The following FAM98A variants were observed in gnomAD, a reference collection of about 807,000 sequenced individuals.
The protein encoded by FAM98A is protein FAM98A.
A neutral mutation model predicts 62.9 loss-of-function variants in FAM98A; 25 were observed. The observed-to-expected ratio is 0.40, with a 90% CI of 0.29 to 0.56. The LOEUF (loss-of-function observed/expected upper bound fraction) is 0.56. Among genes scored for constraint, FAM98A ranks in the 20% least tolerant of loss-of-function variants. The pLI, the probability that FAM98A is intolerant of heterozygous loss-of-function variation, is 0.51. For missense variants in FAM98A, 653 were observed against 640.7 expected (o/e 1.02, Z -0.21); for synonymous variants, 252 against 228.6 (o/e 1.10, Z -0.92).
chr2:33,585,214 T>A lies in FAM98A; in HGVS notation c.1119A>T (p.Gly373=), dbSNP rs1572414862. ...CTCCTTGATGCTTATTTCCTCTTCC[T>A]CCCCCTCGGCCACCATGGTCATAGC... ...RGGYDHGGRG[G]GRGNKHQGGW... The change falls in exon 8 of 8, where the codon GGA becomes GGT. Residue 373 remains glycine (G), a synonymous_variant. Transcript: ENST00000238823. The A allele has an allele frequency of 6.2e-7, 1 of 1,613,438 alleles. No individual in the cohort carries two copies. The highest frequency in any genetic ancestry group is 1.1e-5 in the South Asian group (1 of 91,050).
intron 3 of FAM98A, chr2:33,588,941 A>T (rs561891451): frequency 6.5e-6 from 1 of 152,870 alleles, no homozygotes; most frequent in African/African-American, 2.4e-5. Context: ...AGCATCAATG[A>T]CACAACTACC....
chr2:33,592,717 G>A (rs1044402549), intron 2 of FAM98A, among the ~76,000 whole-genome samples: 5 of 152,080 alleles, frequency 3.3e-5, no homozygotes, highest in African/African-American at 1.2e-4. Flanking sequence ...CTCTTATTTG[G>A]GAGTCTTTAA....
chr2:33,585,404 T>A lies in FAM98A; in HGVS notation c.929A>T (p.Asn310Ile). ...GRVPDRGGRPNEIEPPPPEMP... is the reference protein window; with the variant it reads ...GRVPDRGGRPIEIEPPPPEMP... ...CTCTGGGGGTGGAGGTTCGATTTCA[T>A]TGGGTCTACCACCTCTGTCAGGCAC... Residue 310 changes from asparagine to isoleucine, a missense_variant, in exon 8 of 8, where the codon AAT (asparagine) becomes ATT (isoleucine). By Grantham distance (149) the Asn-to-Ile change is moderately radical (BLOSUM62 -3). Coordinates refer to ENST00000238823, the MANE Select transcript of FAM98A (RefSeq NM_015475.5). 6.2e-7 allele frequency: 1 copy of A among 1,614,162 alleles called. No homozygotes were observed. Among genetic ancestry groups the A allele is most frequent in the Non-Finnish European group, 8.5e-7 (1 of 1,180,028 alleles).
chr2:33,584,905 C>T lies in FAM98A; in HGVS notation c.1428G>A (p.Gln476=). Residue 476 remains glutamine (Q), a synonymous_variant, in exon 8 of 8, where the codon CAG becomes CAA. Transcript: ENST00000238823. ...GRGGRGGRAG[Q]GGGWGGRGSQ... ...TCCCTCTTCCTCCCCAGCCTCCTCC[C>T]TGGCCTGCACGACCACCTCGGCCTC... 6.2e-7 allele frequency: 1 copy of T among 1,612,588 alleles called. No individual in the cohort carries two copies. Among genetic ancestry groups the T allele is most frequent in the African/African-American group, 1.3e-5 (1 of 74,454 alleles).
rs34080556 is a variant in FAM98A, at chr2:33,585,289, G to A, written c.1044C>T (p.Tyr348=). Residue 348 remains tyrosine (Y), a synonymous_variant, in exon 8 of 8, where the codon TAC becomes TAT. Coordinates refer to ENST00000238823, the MANE Select transcript of FAM98A (RefSeq NM_015475.5). Reference sequence around the variant, plus strand: ...CTTGTTCATGACCTCCTCGTCCTCCGTATGAGGAATGTTCATAGCCACCTC... The same window carrying A: ...CTTGTTCATGACCTCCTCGTCCTCCATATGAGGAATGTTCATAGCCACCTC... ...GGRGGYEHSS[Y]GGRGGHEQGG... 1.9e-5 allele frequency: 30 copies of A among 1,613,628 alleles called. No homozygotes were observed. Among genetic ancestry groups the A allele is most frequent in the African/African-American group, 9.4e-5 (7 of 74,754 alleles).
chr2:33,592,141 T>A lies in FAM98A; in HGVS notation c.276A>T (p.Ser92=). 1.9e-6 allele frequency: 3 copies of A among 1,613,680 alleles called. No individual in the cohort carries two copies. The highest frequency in any genetic ancestry group is 2.5e-6 in the Non-Finnish European group (3 of 1,179,638). The change falls in exon 3 of 8, where the codon TCA becomes TCT. Residue 92 remains serine, a synonymous_variant. Transcript: ENST00000238823. ...GCTTGGTCACATCCCCAGATGTCAG[T>A]GAAAGATACGGGCAGTTCATCTCCC... ...LLGEMNCPYL[S]LTSGDVTKRL...
chr2:33,589,189 T>G (rs1305419045), intron 3 of FAM98A: 2 of 152,302 alleles, frequency 1.3e-5, no homozygotes, highest in Non-Finnish European at 1.5e-5. Context: ...AAAACAACCA[T>G]AAAACCTTCA....
chr2:33,589,758 A>G (rs1677630983), intron 3 of FAM98A: 1 of 152,200 alleles, frequency 6.6e-6, no homozygotes, highest in Admixed American at 6.5e-5. Flanking sequence ...GTTTTTGTAC[A>G]TAAGGTTTCA....
intron 3 of FAM98A, 35 bp downstream of exon 3, chr2:33,592,045 A>C: frequency 1.3e-6 from 2 of 1,571,588 alleles, no homozygotes; most frequent in Non-Finnish European, 1.7e-6. Flanking sequence ...CATAAACAGA[A>C]AGTAATAGCT....
chr2:33,596,044 C>G (rs1228340927), intron 1 of FAM98A, among the ~76,000 whole-genome samples: 4 of 152,092 alleles, frequency 2.6e-5, no homozygotes, highest in African/African-American at 9.7e-5. Context: ...GTTATCTTTT[C>G]TAAAAATTTT....
In FAM98A at chr2:33,588,117, G is replaced by A. The variant is rs149588496; in HGVS notation, c.522+218C>T. 7.2e-4 allele frequency: 394 copies of A among 550,756 alleles called. 1 individual carries two copies. The highest frequency in any genetic ancestry group is 7.0e-3 in the African/African-American group (370 of 52,910). 34.1% of individuals were successfully genotyped at this position (550,756 alleles called of 1,614,324 possible). A position where few individuals can be genotyped will look rare whatever the true frequency, so the allele number is the denominator to read the frequency against. ...CAAACCAGTGTAAAGTTTCCTTTTT[G>A]AAAAAGAAACATGCTAACATGTTTT... is the stretch of plus-strand genomic sequence containing the variant. On this transcript the variant is annotated intron_variant, in intron 4 of 7. Transcript: ENST00000238823.
intron 5 of FAM98A, chr2:33,586,911 A>G (rs1402356664): frequency 3.7e-6 from 2 of 537,756 alleles, no homozygotes; most frequent in Non-Finnish European, 6.6e-6. Context: ...TATCTTTCCC[A>G]TAATTTACTG....
intron 2 of FAM98A, among the ~76,000 whole-genome samples, chr2:33,593,487 A>G (rs976882746): frequency 2.0e-5 from 3 of 152,230 alleles, no homozygotes; most frequent in African/African-American, 7.2e-5. Context: ...ATTTGAAGAC[A>G]GCAAACATGA....
rs1395278111 is a variant in FAM98A, at chr2:33,584,549, T to A, written c.*227A>T. 8.7e-6 allele frequency: 4 copies of A among 462,108 alleles called. No homozygotes were observed. The highest frequency in any genetic ancestry group is 3.7e-5 in the Admixed American group (1 of 26,682). 28.6% of individuals were successfully genotyped at this position (462,108 alleles called of 1,614,324 possible). ...GCAATTTTAACCACCTTTTAAAAAA[T>A]TTTTCATAGAAAGGAGAGATGTTAT... On this transcript the variant is annotated 3_prime_UTR_variant, in exon 8 of 8. Transcript: ENST00000238823.
chr2:33,592,700 G>C (rs188909772), intron 2 of FAM98A, among the ~76,000 whole-genome samples: 1 of 152,256 alleles, frequency 6.6e-6, no homozygotes. Context: ...GTGTTCATTA[G>C]GTCATTCTCT....
chr2:33,590,999 G>C (rs1325077421), intron 3 of FAM98A, among the ~76,000 whole-genome samples: 2 of 152,096 alleles, frequency 1.3e-5, no homozygotes, highest in East Asian at 1.9e-4. Flanking sequence ...TACTGCTATT[G>C]AATCAGTTAC....
chr2:33,586,806 T>G, intron 5 of FAM98A, 128 bp from the exon 6 acceptor site: 1 of 630,406 alleles, frequency 1.6e-6, no homozygotes, highest in Non-Finnish European at 2.8e-6. Context: ...AAGTTCTTAT[T>G]CCATATAATA....
At position 33,594,624 on chromosome 2, in the gene FAM98A, CACACATATATATACACATATATATAT is replaced by C. The variant is rs1558550434; in HGVS notation, c.202+839_202+864del. 1.2e-3 allele frequency among the ~76,000 whole-genome samples: 141 copies of C among 118,908 alleles called. 48 individuals are homozygous for C. Among genetic ancestry groups the C allele is most frequent in the African/African-American group, 4.6e-3 (121 of 26,200 alleles). The allele number at this position is 118,908 out of a possible 152,430, so 78.0% of individuals were successfully genotyped here. A position where few individuals can be genotyped will look rare whatever the true frequency, so the allele number is the denominator to read the frequency against. ...ACATACATACACACATATATATATACACACATATATATACACATATATATATACACACATATATATACACATATATA... is the reference window on the plus strand; with the variant it reads ...ACATACATACACACATATATATATACACACACATATATATACACATATATA... On this transcript the variant is annotated intron_variant, in intron 2 of 7. Coordinates refer to ENST00000238823, the MANE Select transcript of FAM98A (RefSeq NM_015475.5).
Position 33,584,781 on chromosome 2 carries a change from T to C in FAM98A, c.1552A>G (p.Ser518Gly). ...SGFGQGRHYT[S>G] ...AAATGTAAGGTTCGGTAGCCTCAAC[T>C]AGTGTAATGTCTTCCCTGTCCAAAT... is the stretch of plus-strand genomic sequence containing the variant. Residue 518 changes from serine to glycine, a missense_variant, in exon 8 of 8, where the codon AGT becomes GGT. Coordinates refer to ENST00000238823, the MANE Select transcript of FAM98A (RefSeq NM_015475.5). 1.3e-6 allele frequency: 2 copies of C among 1,591,560 alleles called. No individual in the cohort carries two copies.
Sources: allele counts gnomAD v4.1 joint callset (sites outside exome capture counted in the v4.1 genomes callset), GRCh38; gene constraint gnomAD v4.1.1; transcripts MANE v1.5; gene names NCBI Gene and HGNC (gene_info 2026-07-23, HGNC 2026-07-21).